NALCN: variants seen among roughly 807,000 people sequenced by gnomAD.
NALCN encodes sodium leak channel, non-selective, also known as sodium leak channel NALCN.
Under a neutral mutation model 225.3 loss-of-function variants are expected in NALCN, and 111 were observed. That is an observed-to-expected ratio of 0.49 (90% CI 0.42 to 0.58). The LOEUF is 0.58. NALCN is among the 20% of genes least tolerant of loss of function. NALCN has a pLI of 0.00. For missense variants in NALCN, 1,378 were observed against 2,202.4 expected, an observed-to-expected ratio of 0.63 and a Z score of 7.49; for synonymous variants, 764 against 769.0, an observed-to-expected ratio of 0.99 and a Z score of 0.11.
At chr13:101,252,743 T>C (rs2042099190) in intron 11 of NALCN, among the ~76,000 whole-genome samples, 1 of 152,110 alleles carries the variant, frequency 6.6e-6, no homozygotes, top group Non-Finnish European at 1.5e-5. Flanking sequence ...GAGCTCCCCA[T>C]TCAGATAGGT....
At chr13:101,288,698 ATATT>A (rs1196008223) in intron 9 of NALCN, among the ~76,000 whole-genome samples, 7 of 152,232 alleles carry the variant, frequency 4.6e-5, no homozygotes, top group Non-Finnish European at 1.0e-4. Flanking sequence ...TGCAATCAGA[ATATT>A]TAATTATTTA....
chr13:101,061,207 G>T (rs1014100184), intron 41 of NALCN, among the ~76,000 whole-genome samples: 6 of 152,158 alleles, frequency 3.9e-5, no homozygotes, highest in African/African-American at 1.4e-4. Context: ...TATAAGTCAG[G>T]AAGCAGGAAA....
chr13:101,261,109 T>C (rs924666235), intron 10 of NALCN, among the ~76,000 whole-genome samples: 5 of 152,214 alleles, frequency 3.3e-5, no homozygotes, highest in African/African-American at 1.2e-4. Context: ...GGACCATTTA[T>C]TGAAGGAACT....
intron 7 of NALCN, among the ~76,000 whole-genome samples, chr13:101,293,896 A>G (rs1314335869): frequency 6.6e-6 from 1 of 152,182 alleles, no homozygotes; most frequent in Non-Finnish European, 1.5e-5. Context: ...TATTTTGTAC[A>G]TTGGTACTGT....
At position 101,114,656 on chromosome 13, in the gene NALCN, G is replaced by A. The variant is rs533730658; in HGVS notation, c.2193-3430C>T. On this transcript the variant is annotated intron_variant, in intron 18 of 43. Transcript: ENST00000251127. ...TCTTCCCATTCAAGTCCAAATGCAT[G>A]CAGCTTGGAGAGAGACATGACTAAG... Among the ~76,000 whole-genome samples, 147 of 152,304 alleles carry A rather than the reference G, an allele frequency of 9.7e-4. 1 individual carries two copies. The highest frequency in any genetic ancestry group is 1.7e-3 in the Non-Finnish European group (113 of 68,030).
chr13:101,387,988 T>C lies in NALCN; in HGVS notation c.291+7195A>G, dbSNP rs546119784. On this transcript the variant is annotated intron_variant, in intron 3 of 43. Transcript: ENST00000251127. ...AAGTTTTGAATATAAGAAAATAATA[T>C]CAAGCCCAATATACTCTTTGAGCTG... Among the ~76,000 whole-genome samples the C allele has an allele frequency of 3.3e-5, 5 of 152,268 alleles. No individual in the cohort carries two copies. The South Asian group carries it at 6.2e-4, about 19-fold the overall frequency.
intron 9 of NALCN, among the ~76,000 whole-genome samples, chr13:101,288,389 T>C (rs563756221): frequency 6.6e-6 from 1 of 152,358 alleles, no homozygotes; most frequent in South Asian, 2.1e-4. Context: ...GTAGCTTTCT[T>C]TTTGGAGGAG....
At chr13:101,332,490 A>G (rs901871099) in intron 7 of NALCN, among the ~76,000 whole-genome samples, 2 of 151,988 alleles carry the variant, frequency 1.3e-5, no homozygotes, top group Non-Finnish European at 1.5e-5. Context: ...TACAACGAAC[A>G]TATCTCAGGT....
At chr13:101,073,774 G>C in intron 36 of NALCN, 97 bp from the exon 37 acceptor site, 1 of 1,031,414 alleles carries the variant, frequency 9.7e-7, no homozygotes, top group Admixed American at 2.3e-5. Flanking sequence ...GGAGGTTGTA[G>C]CAAATTTGGT....
At chr13:101,398,135 T>C (rs1377234027) in intron 2 of NALCN, among the ~76,000 whole-genome samples, 1 of 152,094 alleles carries the variant, frequency 6.6e-6, no homozygotes, top group Admixed American at 6.6e-5. Context: ...CGTATTTTAA[T>C]TTGCAATGAA....
At chr13:101,069,152 C>T (rs2032658096) in intron 37 of NALCN, among the ~76,000 whole-genome samples, 1 of 152,164 alleles carries the variant, frequency 6.6e-6, no homozygotes, top group South Asian at 2.1e-4. Flanking sequence ...GATCAAACTG[C>T]AGAAAATCAA....
At chr13:101,175,192 T>G (rs2038908106) in intron 15 of NALCN, among the ~76,000 whole-genome samples, 1 of 151,980 alleles carries the variant, frequency 6.6e-6, no homozygotes, top group Non-Finnish European at 1.5e-5. Flanking sequence ...GGTAAAGAAC[T>G]CAAAACCTTT....
In NALCN at chr13:101,104,463, G is replaced by T. The variant is rs761647929; in HGVS notation, c.2758-37C>A. The T allele has an allele frequency of 1.2e-6, 2 of 1,612,214 alleles. No homozygotes were observed. The highest frequency in any genetic ancestry group is 1.7e-6 in the Non-Finnish European group (2 of 1,178,716). ...AAAAGGCAGTTTGGTTACAATGAACGGAAAAACAGCAGGTCAGTATTTTAC... is the reference window on the plus strand; with the variant it reads ...AAAAGGCAGTTTGGTTACAATGAACTGAAAAACAGCAGGTCAGTATTTTAC... On this transcript the variant is annotated intron_variant, in intron 24 of 43. Transcript: ENST00000251127. The surrounding 1 kb of genome is among the most constrained non-coding windows in gnomAD (Gnocchi z 4.2).
chr13:101,122,983 G>A (rs764176183), intron 18 of NALCN, among the ~76,000 whole-genome samples: 10 of 152,310 alleles, frequency 6.6e-5, no homozygotes, highest in Non-Finnish European at 1.2e-4. Flanking sequence ...TTACATCCCA[G>A]ATTAATACAC....
In NALCN at chr13:101,104,391, A is replaced by G; in HGVS notation, c.2793T>C (p.Ile931=). 6.2e-7 allele frequency: 1 copy of G among 1,613,758 alleles called. No homozygotes were observed. Among genetic ancestry groups the G allele is most frequent in the East Asian group, 2.2e-5 (1 of 44,874 alleles). ...CTGCCATAATCTTCAGATTAAGCTC[A>G]ATGCTCATGAATATCACAAACACAT... The part of the protein sequence containing the change: ...AEYVFVIFMS[I]ELNLKIMADG... Residue 931 remains isoleucine (I), a synonymous_variant, in exon 25 of 44, where the codon ATT becomes ATC. Transcript: ENST00000251127. The surrounding 1 kb of genome is among the most constrained non-coding windows in gnomAD (Gnocchi z 4.2).
intron 17 of NALCN, among the ~76,000 whole-genome samples, chr13:101,135,887 T>A (rs866521354): frequency 5.3e-5 from 8 of 152,206 alleles, no homozygotes; most frequent in African/African-American, 1.9e-4. Context: ...CCTTAACTCC[T>A]TGATACCTCT....
chr13:101,215,750 A>C (rs1206659500), intron 13 of NALCN, among the ~76,000 whole-genome samples: 1 of 152,008 alleles, frequency 6.6e-6, no homozygotes, highest in African/African-American at 2.4e-5. Context: ...ACATGTGCAC[A>C]ACGTGCAGGT....
chr13:101,274,848 C>T lies in NALCN; in HGVS notation c.1134+9085G>A, dbSNP rs73560780. On this transcript the variant is annotated intron_variant, in intron 10 of 43. Coordinates refer to ENST00000251127, the MANE Select transcript of NALCN (RefSeq NM_052867.4). ...TTAGAAGTTTGACAGGAAAAATGAT[C>T]CCTGAGTTGTAAGTACTGCAGTCAA... Among the ~76,000 whole-genome samples, 563 of 152,150 alleles carry T rather than the reference C, an allele frequency of 3.7e-3. 3 individuals are homozygous for T. Among genetic ancestry groups the T allele is most frequent in the African/African-American group, 0.012 (515 of 41,500 alleles).
chr13:101,256,765 C>CTTTTT (rs59036479), intron 11 of NALCN, among the ~76,000 whole-genome samples: 1 of 133,536 alleles, frequency 7.5e-6, no homozygotes, highest in Non-Finnish European at 1.6e-5. Flanking sequence ...CTTCTTTCTG[C>CTTTTT]TTTTTTTTTT....
Sources: gnomAD v4.1 joint callset for allele counts (sites outside exome capture counted in the v4.1 genomes callset) on GRCh38, gnomAD v4.1.1 for gene constraint, Gnocchi (gnomAD v3.1) non-coding constraint, MANE v1.5 for transcripts, NCBI Gene and HGNC (gene_info 2026-07-23, HGNC 2026-07-21) for gene names.